The following NELL1 variants were observed in gnomAD, a reference collection of about 807,000 sequenced individuals.
NELL1 encodes the protein protein kinase C-binding protein NELL1.
A neutral mutation model predicts 107.4 loss-of-function variants in NELL1; 76 were observed. That is an observed-to-expected ratio of 0.71 (90% confidence interval 0.59 to 0.86). The LOEUF (loss-of-function observed/expected upper bound fraction) is 0.86, where lower values mean the gene tolerates loss of function less well. NELL1 is among the 40% of genes least tolerant of loss of function. NELL1 has a pLI of 0.00. For missense variants in NELL1, 1,024 were observed against 1,005.5 expected (o/e 1.02, Z -0.25); for synonymous variants, 353 against 341.2 (o/e 1.03, Z -0.38).
chr11:21,170,640 ATG>A, intron 13 of NELL1, among the ~76,000 whole-genome samples: 1 of 150,274 alleles, frequency 6.7e-6, no homozygotes, highest in East Asian at 1.9e-4. Flanking sequence ...AAACATACAA[ATG>A]TGTCTTTCCA....
At chr11:21,148,650 G>A (rs1351362090) in intron 13 of NELL1, among the ~76,000 whole-genome samples, 1 of 152,092 alleles carries the variant, frequency 6.6e-6, no homozygotes, top group Non-Finnish European at 1.5e-5. Context: ...TTAATTAGAG[G>A]AAACAACCCC....
intron 5 of NELL1, among the ~76,000 whole-genome samples, chr11:20,902,036 T>C (rs1046628214): frequency 6.6e-6 from 1 of 152,070 alleles, no homozygotes; most frequent in African/African-American, 2.4e-5. Flanking sequence ...ATTAAATACC[T>C]AACTGAAAGC....
intron 12 of NELL1, among the ~76,000 whole-genome samples, chr11:21,025,219 T>C (rs1479933708): frequency 6.6e-6 from 1 of 152,124 alleles, no homozygotes; most frequent in Non-Finnish European, 1.5e-5. Flanking sequence ...ATAATAATTA[T>C]AAAAACCATA....
intron 15 of NELL1, among the ~76,000 whole-genome samples, chr11:21,488,090 G>C (rs1434970863): frequency 6.6e-6 from 1 of 150,668 alleles, no homozygotes; most frequent in Non-Finnish European, 1.5e-5. Flanking sequence ...TACTTTAAAA[G>C]CCTATTCTCA....
chr11:21,014,630 AG>A (rs1852524112), intron 12 of NELL1, among the ~76,000 whole-genome samples: 1 of 152,088 alleles, frequency 6.6e-6, no homozygotes, highest in Admixed American at 6.6e-5. Flanking sequence ...CTGTAATCTG[AG>A]GGTACTGTGA....
At chr11:21,068,807 C>G (rs1389831058) in intron 12 of NELL1, among the ~76,000 whole-genome samples, 1 of 152,160 alleles carries the variant, frequency 6.6e-6, no homozygotes, top group Admixed American at 6.6e-5. Flanking sequence ...GCAGAACTAC[C>G]TTTTGAATAC....
chr11:21,441,330 C>CGTGTGTGTGTGTGTGTGTGT (rs201892977), intron 15 of NELL1, among the ~76,000 whole-genome samples: 8 of 140,148 alleles, frequency 5.7e-5, no homozygotes, highest in African/African-American at 2.0e-4. Context: ...GAGGCTGTGA[C>CGTGTGTGTGTGTGTGTGTGT]GTGTGTGTGT....
intron 13 of NELL1, among the ~76,000 whole-genome samples, chr11:21,124,870 G>A (rs1855454367): frequency 1.3e-5 from 2 of 152,138 alleles, no homozygotes; most frequent in Admixed American, 6.5e-5. Flanking sequence ...CAAAGTGCTG[G>A]GATTACAGGG....
intron 5 of NELL1, among the ~76,000 whole-genome samples, chr11:20,916,650 G>C (rs1030604534): frequency 6.6e-6 from 1 of 151,816 alleles, no homozygotes; most frequent in African/African-American, 2.4e-5. Context: ...GTCCTGGTTT[G>C]CCTAGGAGCC....
chr11:21,531,026 G>A (rs898816153), intron 15 of NELL1, among the ~76,000 whole-genome samples: 1 of 152,066 alleles, frequency 6.6e-6, no homozygotes, highest in Non-Finnish European at 1.5e-5. Context: ...GCATTTGAGT[G>A]ATAGACACTA....
chr11:21,054,774 G>A (rs1004989721), intron 12 of NELL1, among the ~76,000 whole-genome samples: 1 of 151,916 alleles, frequency 6.6e-6, no homozygotes, highest in Admixed American at 6.6e-5. Context: ...TTTTCTACTT[G>A]TATATTCATC....
At chr11:21,457,732 A>G (rs1168552617) in intron 15 of NELL1, among the ~76,000 whole-genome samples, 2 of 152,342 alleles carry the variant, frequency 1.3e-5, no homozygotes, top group Middle Eastern at 3.4e-3. Context: ...TGCCAAAGTC[A>G]TTAATGCAGA....
chr11:21,475,144 A>C (rs1406636195), intron 15 of NELL1, among the ~76,000 whole-genome samples: 1 of 152,114 alleles, frequency 6.6e-6, no homozygotes, highest in Non-Finnish European at 1.5e-5. Flanking sequence ...AATGCCCTAA[A>C]TTTTTCCTTT....
intron 3 of NELL1, among the ~76,000 whole-genome samples, chr11:20,844,671 A>G (rs1200070774): frequency 1.3e-5 from 2 of 152,102 alleles, no homozygotes; most frequent in Non-Finnish European, 2.9e-5. Flanking sequence ...TGCTCCCTTC[A>G]TCAAGACCAG....
intron 3 of NELL1, among the ~76,000 whole-genome samples, chr11:20,815,544 G>A: frequency 6.6e-6 from 1 of 152,102 alleles, no homozygotes; most frequent in East Asian, 1.9e-4. Flanking sequence ...CTTGTAGATT[G>A]TAGTTATTAG....
At chr11:20,716,094 A>G (rs1855243962) in intron 2 of NELL1, among the ~76,000 whole-genome samples, 3 of 152,260 alleles carry the variant, frequency 2.0e-5, no homozygotes, top group South Asian at 4.1e-4. Flanking sequence ...CAGCCAATGT[A>G]TGAAATAAAG....
At chr11:21,275,436 A>G (rs1196945349) in intron 14 of NELL1, among the ~76,000 whole-genome samples, 1 of 152,188 alleles carries the variant, frequency 6.6e-6, no homozygotes, top group East Asian at 1.9e-4. Context: ...AAAGTCCAGG[A>G]CCAGATGGAT....
chr11:21,073,544 G>A (rs1319258403), intron 12 of NELL1, among the ~76,000 whole-genome samples: 1 of 152,116 alleles, frequency 6.6e-6, no homozygotes, highest in East Asian at 1.9e-4. Context: ...TGTCTTCATG[G>A]GTAGGGCAAG....
At chr11:20,840,753 G>A (rs1427083371) in intron 3 of NELL1, among the ~76,000 whole-genome samples, 2 of 152,238 alleles carry the variant, frequency 1.3e-5, no homozygotes, top group African/African-American at 2.4e-5. Context: ...AGTTCATCCA[G>A]GTTCAAGGGG....
Sources: allele counts gnomAD v4.1 joint callset (sites outside exome capture counted in the v4.1 genomes callset), GRCh38; gene constraint gnomAD v4.1.1; transcripts MANE v1.5; gene names NCBI Gene and HGNC (gene_info 2026-07-23, HGNC 2026-07-21).